Variants in PIP5K1B observed in about 807,000 individuals in gnomAD.
The protein encoded by PIP5K1B is phosphatidylinositol 4-phosphate 5-kinase type-1 beta.
PIP5K1B carries 42 observed loss-of-function variants against 67.0 expected under a neutral mutation model. That is an observed-to-expected ratio of 0.63 (90% confidence interval 0.49 to 0.81). PIP5K1B has a LOEUF of 0.81. PIP5K1B is among the 30% of genes least tolerant of loss of function. PIP5K1B has a pLI of 0.00. For missense variants in PIP5K1B, 459 were observed against 646.3 expected, an observed-to-expected ratio of 0.71 and a Z score of 3.14; for synonymous variants, 214 against 231.4, an observed-to-expected ratio of 0.92 and a Z score of 0.68.
intron 14 of PIP5K1B, 191 bp downstream of exon 14, chr9:68,940,981 T>G (rs1483862651): frequency 1.5e-6 from 1 of 682,748 alleles, no homozygotes; most frequent in African/African-American, 1.8e-5. Flanking sequence ...CCCTCATGAT[T>G]TTTCTTTACA....
chr9:68,943,208 G>A (rs7847379), intron 14 of PIP5K1B, among the ~76,000 whole-genome samples: 8,932 of 152,180 alleles, frequency 0.059, 536 homozygotes, highest in African/African-American at 0.15. Context: ...CAGCTGGAGG[G>A]GAAAACCTGA....
intron 5 of PIP5K1B, among the ~76,000 whole-genome samples, chr9:68,869,660 A>G (rs1282266559): frequency 6.6e-6 from 1 of 152,184 alleles, no homozygotes; most frequent in Admixed American, 6.5e-5. Flanking sequence ...CAGAGCTCGA[A>G]ATATTATCTG....
At chr9:68,732,006 G>A (rs1828458940) in intron 1 of PIP5K1B, among the ~76,000 whole-genome samples, 1 of 152,172 alleles carries the variant, frequency 6.6e-6, no homozygotes, top group South Asian at 2.1e-4. Flanking sequence ...ACTTCTGGCT[G>A]GTCTCTGTCT....
chr9:68,803,814 A>C, intron 2 of PIP5K1B, among the ~76,000 whole-genome samples: 1 of 152,220 alleles, frequency 6.6e-6, no homozygotes, highest in East Asian at 1.9e-4. Flanking sequence ...GGCAAATGAC[A>C]GTGTTGGCCA....
intron 2 of PIP5K1B, among the ~76,000 whole-genome samples, chr9:68,814,496 A>G (rs1332716272): frequency 2.0e-5 from 3 of 152,178 alleles, no homozygotes; most frequent in Non-Finnish European, 4.4e-5. Context: ...CAAAACTATA[A>G]TTATATTAGG....
intron 2 of PIP5K1B, among the ~76,000 whole-genome samples, chr9:68,814,094 G>T (rs1224391813): frequency 6.6e-6 from 1 of 152,170 alleles, no homozygotes; most frequent in Non-Finnish European, 1.5e-5. Flanking sequence ...GTGCCACTCA[G>T]TCACAAGAGG....
chr9:68,917,890 A>G (rs1391403410), intron 9 of PIP5K1B, 131 bp downstream of exon 9: 1 of 652,314 alleles, frequency 1.5e-6, no homozygotes, highest in African/African-American at 1.8e-5. Flanking sequence ...AAAATGGGTT[A>G]AACTGGTCTC....
intron 4 of PIP5K1B, among the ~76,000 whole-genome samples, chr9:68,852,675 C>G (rs949430805): frequency 6.6e-6 from 1 of 152,202 alleles, no homozygotes; most frequent in African/African-American, 2.4e-5. Flanking sequence ...ATATCCTGCA[C>G]TGTCACTTCC....
intron 6 of PIP5K1B, among the ~76,000 whole-genome samples, chr9:68,886,245 CT>C (rs1215397368): frequency 1.3e-5 from 2 of 152,140 alleles, no homozygotes; most frequent in African/African-American, 4.8e-5. Flanking sequence ...TAGGCTGGGT[CT>C]GTCTCACACC....
chr9:68,998,260 T>G (rs538805017), intron 15 of PIP5K1B, among the ~76,000 whole-genome samples: 3 of 152,242 alleles, frequency 2.0e-5, no homozygotes, highest in Non-Finnish European at 4.4e-5. Context: ...TTTCCCCATG[T>G]TGGCCAGGCT....
At chr9:68,989,917 T>C (rs1830284354) in intron 14 of PIP5K1B, among the ~76,000 whole-genome samples, 1 of 152,018 alleles carries the variant, frequency 6.6e-6, no homozygotes, top group African/African-American at 2.4e-5. Context: ...GAGGTGGAGA[T>C]TGCAGTGAGC....
intron 5 of PIP5K1B, among the ~76,000 whole-genome samples, chr9:68,868,555 A>G (rs184232298): frequency 2.6e-5 from 4 of 152,268 alleles, no homozygotes; most frequent in African/African-American, 9.6e-5. Context: ...TTTTCTCTAC[A>G]TTGTGGCAAT....
At chr9:68,745,770 C>G (rs1462224645) in intron 2 of PIP5K1B, among the ~76,000 whole-genome samples, 1 of 152,162 alleles carries the variant, frequency 6.6e-6, no homozygotes, top group African/African-American at 2.4e-5. Context: ...CTTCTTTGTT[C>G]AAACCCCACC....
rs1824982145 is a variant in PIP5K1B at position 68,894,572 on chromosome 9, C to T, written c.705C>T (p.His235=). The T allele has an allele frequency of 3.7e-6, 6 of 1,614,016 alleles. No individual in the cohort carries two copies. Among genetic ancestry groups the T allele is most frequent in the East Asian group, 4.5e-5 (2 of 44,870 alleles). Residue 235 remains histidine, a synonymous_variant, in exon 8 of 16, where the codon CAC becomes CAT. Transcript: ENST00000265382. The part of the protein sequence containing the change: ...FKDLDFLQDM[H]EGLYFDTETY... ...ACTTAGATTTCCTGCAAGACATGCACGAAGGGTTGTATTTTGATACGGAAA... is the reference window on the plus strand; with the variant it reads ...ACTTAGATTTCCTGCAAGACATGCATGAAGGGTTGTATTTTGATACGGAAA...
intron 3 of PIP5K1B, among the ~76,000 whole-genome samples, chr9:68,821,272 G>A (rs956569237): frequency 6.6e-6 from 1 of 152,096 alleles, no homozygotes; most frequent in Non-Finnish European, 1.5e-5. Flanking sequence ...AAACAAAAAG[G>A]CAGATACTAA....
chr9:68,932,871 C>G (rs1429159373), intron 12 of PIP5K1B, among the ~76,000 whole-genome samples: 2 of 152,106 alleles, frequency 1.3e-5, no homozygotes, highest in African/African-American at 4.8e-5. Context: ...GAGGCCAAGG[C>G]AGGCAGATCA....
intron 3 of PIP5K1B, among the ~76,000 whole-genome samples, chr9:68,820,072 T>C (rs547584491): frequency 6.6e-6 from 1 of 152,350 alleles, no homozygotes; most frequent in African/African-American, 2.4e-5. Flanking sequence ...AAGGTTGTTT[T>C]TTTAAGCACC....
Position 68,780,444 on chromosome 9 carries a change from A to G in PIP5K1B, c.-86+37787A>G, listed in dbSNP as rs564014090. On this transcript the variant is annotated intron_variant, in intron 2 of 15. Transcript: ENST00000265382. ...GCACCAGATCAAACAAGAAGAGGGC[A>G]TGGACTTGATCAACCGAGAGACGGT... is the stretch of plus-strand genomic sequence containing the variant. The G allele has an allele frequency of 4.3e-6, 7 of 1,614,226 alleles. No individual in the cohort carries two copies. The African/African-American group carries it at 8.0e-5, about 18-fold the overall frequency.
At chr9:68,929,028 T>C (rs1022545414) in intron 12 of PIP5K1B, among the ~76,000 whole-genome samples, 3 of 152,130 alleles carry the variant, frequency 2.0e-5, no homozygotes, top group African/African-American at 4.8e-5. Context: ...CCAGACGTGC[T>C]GGCACATGCC....
Sources: gnomAD v4.1 joint callset for allele counts (sites outside exome capture counted in the v4.1 genomes callset) on GRCh38, gnomAD v4.1.1 for gene constraint, MANE v1.5 for transcripts, NCBI Gene and HGNC (gene_info 2026-07-23, HGNC 2026-07-21) for gene names.